NEGR1: variants seen among roughly 807,000 people sequenced by gnomAD.
NEGR1 encodes the protein neuronal growth regulator 1, also known as IgLON family member 4.
A neutral mutation model predicts 40.9 loss-of-function variants in NEGR1; 10 were observed. The observed-to-expected ratio is 0.24, with a 90% CI of 0.15 to 0.42. NEGR1 has a LOEUF of 0.42. Among genes scored for constraint, NEGR1 ranks in the 10% least tolerant of loss-of-function variants. The pLI is 1.00. For synonymous variants in NEGR1, 185 were observed against 166.8 expected (o/e 1.11, Z -0.84); for missense variants, 352 against 438.9 (o/e 0.80, Z 1.77).
At chr1:72,086,721 T>TTAA (rs1486301566) in intron 1 of NEGR1, among the ~76,000 whole-genome samples, 1 of 152,218 alleles carries the variant, frequency 6.6e-6, no homozygotes, top group Non-Finnish European at 1.5e-5. Flanking sequence ...TTGAATTTGT[T>TTAA]AATAGATTTA....
At chr1:71,772,936 C>T (rs185736353) in intron 3 of NEGR1, among the ~76,000 whole-genome samples, 1 of 151,890 alleles carries the variant, frequency 6.6e-6, no homozygotes, top group African/African-American at 2.4e-5. Flanking sequence ...ATTTAATTCT[C>T]AAATATAGAA....
chr1:71,998,113 C>T (rs1427504859), intron 1 of NEGR1, among the ~76,000 whole-genome samples: 1 of 151,840 alleles, frequency 6.6e-6, no homozygotes, highest in East Asian at 1.9e-4. Context: ...AAAGGATAAA[C>T]ACTAGGATTT....
intron 1 of NEGR1, among the ~76,000 whole-genome samples, chr1:71,969,713 A>G (rs754426616): frequency 2.0e-5 from 3 of 152,234 alleles, no homozygotes; most frequent in Non-Finnish European, 4.4e-5. Flanking sequence ...AAGTGAAACT[A>G]TGGACATATT....
chr1:71,716,953 C>G (rs1342674456), intron 3 of NEGR1, among the ~76,000 whole-genome samples: 1 of 152,116 alleles, frequency 6.6e-6, no homozygotes, highest in Non-Finnish European at 1.5e-5. Flanking sequence ...CTGCCTCCCC[C>G]CACCATCCAA....
intron 2 of NEGR1, among the ~76,000 whole-genome samples, chr1:71,929,334 G>A (rs1170204076): frequency 6.6e-6 from 1 of 151,982 alleles, no homozygotes; most frequent in Non-Finnish European, 1.5e-5. Flanking sequence ...GACACATAAC[G>A]GGTTATTAAG....
At chr1:71,682,872 C>G (rs950588199) in intron 4 of NEGR1, among the ~76,000 whole-genome samples, 1 of 152,132 alleles carries the variant, frequency 6.6e-6, no homozygotes, top group African/African-American at 2.4e-5. Flanking sequence ...TCCTTCCTCT[C>G]TCTTGCTTTC....
intron 1 of NEGR1, among the ~76,000 whole-genome samples, chr1:72,267,711 T>C (rs1374292617): frequency 1.3e-5 from 2 of 151,270 alleles, no homozygotes; most frequent in Non-Finnish European, 3.0e-5. Flanking sequence ...ATTAAAAATA[T>C]CGTTTGCTTT....
intron 2 of NEGR1, among the ~76,000 whole-genome samples, chr1:71,871,518 T>G (rs975022910): frequency 6.6e-6 from 1 of 152,188 alleles, no homozygotes; most frequent in Non-Finnish European, 1.5e-5. Context: ...TTAATGTTCA[T>G]TGCAAGCTCA....
At chr1:71,577,280 GCTTTTGTTTCTAGAC>G (rs1404377100) in intron 6 of NEGR1, among the ~76,000 whole-genome samples, 1 of 152,136 alleles carries the variant, frequency 6.6e-6, no homozygotes, top group Non-Finnish European at 1.5e-5. Flanking sequence ...GAAATAATTT[GCTTTTGTTTCTAGAC>G]CTTTGTTTTA....
chr1:72,193,200 T>A (rs1652880690), intron 1 of NEGR1, among the ~76,000 whole-genome samples: 1 of 151,844 alleles, frequency 6.6e-6, no homozygotes, highest in Admixed American at 6.6e-5. Flanking sequence ...GTTTTGTCGA[T>A]GTCACCAAGG....
chr1:71,651,522 C>T (rs968559876), intron 4 of NEGR1, among the ~76,000 whole-genome samples: 3 of 152,076 alleles, frequency 2.0e-5, no homozygotes, highest in Non-Finnish European at 4.4e-5. Context: ...TCTTTTGCTC[C>T]TGTCCTTTGT....
chr1:72,114,987 T>C (rs2630396), intron 1 of NEGR1, among the ~76,000 whole-genome samples: 147,919 of 151,800 alleles, frequency 0.97, 72,095 homozygotes, highest in East Asian at 1. Context: ...GCTTTTTATG[T>C]CAAAATGGGA....
At chr1:72,256,692 G>C (rs1035565662) in intron 1 of NEGR1, among the ~76,000 whole-genome samples, 1 of 152,138 alleles carries the variant, frequency 6.6e-6, no homozygotes, top group African/African-American at 2.4e-5. Flanking sequence ...AAACAAAAAT[G>C]TTAGTGCTAT....
At chr1:72,212,594 A>T (rs752539237) in intron 1 of NEGR1, among the ~76,000 whole-genome samples, 16 of 152,168 alleles carry the variant, frequency 1.1e-4, no homozygotes, top group African/African-American at 1.2e-4. Context: ...ACATTTTGAT[A>T]ATTTAATTGT....
chr1:71,450,175 G>A lies in NEGR1; in HGVS notation c.941-42605C>T, dbSNP rs1202519656. On this transcript the variant is annotated intron_variant, in intron 6 of 6. Transcript: ENST00000357731. ...CTGGCTAATTTTTGTATTTTTAGTA[G>A]AGACGGGGTTTCACCATGTTGGTTA... Among the ~76,000 whole-genome samples the A allele has an allele frequency of 4.0e-5, 6 of 151,758 alleles. No homozygotes were observed. The East Asian group carries it at 1.2e-3, about 30-fold the overall frequency.
intron 4 of NEGR1, among the ~76,000 whole-genome samples, chr1:71,685,927 A>T (rs1653020851): frequency 6.7e-6 from 1 of 149,074 alleles, no homozygotes; most frequent in Non-Finnish European, 1.5e-5. Context: ...GGTTTCAAAA[A>T]CTATTGTCAG....
intron 6 of NEGR1, among the ~76,000 whole-genome samples, chr1:71,551,375 A>T (rs185098292): frequency 2.8e-4 from 43 of 151,756 alleles, no homozygotes; most frequent in African/African-American, 1.0e-3. Context: ...TTTCGAAGGC[A>T]TATTCAGACA....
intron 5 of NEGR1, among the ~76,000 whole-genome samples, chr1:71,597,059 G>T (rs1649736299): frequency 6.6e-6 from 1 of 152,096 alleles, no homozygotes. Context: ...TATTTACAAA[G>T]ACAAGGAATG....
chr1:71,972,801 C>T (rs1180037307), intron 1 of NEGR1, among the ~76,000 whole-genome samples: 1 of 152,060 alleles, frequency 6.6e-6, no homozygotes, highest in Non-Finnish European at 1.5e-5. Context: ...GCAGTAATAA[C>T]ATTTCTTCCC....
Sources: allele counts gnomAD v4.1 joint callset (sites outside exome capture counted in the v4.1 genomes callset), GRCh38; gene constraint gnomAD v4.1.1; transcripts MANE v1.5; gene names NCBI Gene and HGNC (gene_info 2026-07-23, HGNC 2026-07-21).